Variants in METTL23 observed in about 807,000 individuals in gnomAD.
The protein encoded by METTL23 is methyltransferase 23, arginine.
A neutral mutation model predicts 21.2 loss-of-function variants in METTL23; 24 were observed. The observed-to-expected ratio is 1.13, with a 90% CI of 0.82 to 1.59. The LOEUF is 1.59. METTL23 is among the 40% of genes most tolerant of loss of function. METTL23 has a pLI of 0.00. For synonymous variants in METTL23, 97 were observed against 75.2 expected (o/e 1.29, Z -1.50); for missense variants, 276 against 221.4 (o/e 1.25, Z -1.57).
chr17:76,732,891 C>G (rs1291989551), intron 2 of METTL23, 87 bp from the exon 3 acceptor site: 16 of 1,126,628 alleles, frequency 1.4e-5, no homozygotes, highest in Non-Finnish European at 2.1e-5. Context: ...TTTAAAAATG[C>G]AAGAATATAA....
chr17:76,730,242 T>TC (rs974768244), intron 2 of METTL23, among the ~76,000 whole-genome samples: 1 of 150,946 alleles, frequency 6.6e-6, no homozygotes, highest in Admixed American at 6.6e-5. Flanking sequence ...TGAGCAAAGA[T>TC]CGCACCATTG....
At position 76,727,014 on chromosome 17, in the gene METTL23, G is replaced by A; in HGVS notation, c.-186G>A. Reference sequence around the variant, plus strand: ...CGCGGCTTCCCGCTCGCGCAGTCTGGCAGCCCGGAGCCTTCCGCGGTCCCC... The same window carrying A: ...CGCGGCTTCCCGCTCGCGCAGTCTGACAGCCCGGAGCCTTCCGCGGTCCCC... On this transcript the variant is annotated 5_prime_UTR_variant, in exon 1 of 5. Coordinates refer to ENST00000341249, the MANE Select transcript of METTL23 (RefSeq NM_001080510.5). 1 of 455,692 alleles carries A rather than the reference G, an allele frequency of 2.2e-6. No individual in the cohort carries two copies. Among genetic ancestry groups the A allele is most frequent in the Non-Finnish European group, 4.4e-6 (1 of 226,446 alleles). The allele number at this position is 455,692 out of a possible 1,614,324, so 28.2% of individuals were successfully genotyped here. A position where few individuals can be genotyped will look rare whatever the true frequency, so the allele number is the denominator to read the frequency against.
At chr17:76,732,225 G>T (rs2077241505) in intron 2 of METTL23, among the ~76,000 whole-genome samples, 1 of 147,576 alleles carries the variant, frequency 6.8e-6, no homozygotes, top group African/African-American at 2.7e-5. Flanking sequence ...CCGAGTGGCT[G>T]GGCACGGTGG....
At chr17:76,727,824 G>A (rs939192249) in intron 1 of METTL23, among the ~76,000 whole-genome samples, 1 of 152,138 alleles carries the variant, frequency 6.6e-6, no homozygotes, top group South Asian at 2.1e-4. Context: ...TCCAACTCCC[G>A]GATTCAAGTG....
chr17:76,726,284 A>G (rs1032724921), upstream of METTL23: 29 of 1,504,022 alleles, frequency 1.9e-5, no homozygotes, highest in African/African-American at 2.0e-4. Context: ...GGGCCCAGAG[A>G]AAGGTGCGTA....
At position 76,729,706 on chromosome 17, in the gene METTL23, A is replaced by G. The variant is rs369238706; in HGVS notation, c.-5A>G. On this transcript the variant is annotated 5_prime_UTR_variant, in exon 2 of 5. It removes an upstream start codon present in the reference 5' UTR. Coordinates refer to ENST00000341249, the MANE Select transcript of METTL23 (RefSeq NM_001080510.5). The stretch of plus-strand genomic sequence containing the variant: ...TCTTTTCAGGTCCTGCATCTCCAGT[A>G]TGGAATGTATGTTTGGCCCTGTGCT... 91 of 1,590,048 alleles carry G rather than the reference A, an allele frequency of 5.7e-5. No individual in the cohort carries two copies. In the African/African-American group the frequency reaches 1.1e-3, roughly 19 times the overall value.
Position 76,731,098 on chromosome 17 carries a change from C to T in METTL23, c.84+1304C>T, listed in dbSNP as rs374215977. Reference sequence around the variant, plus strand: ...CTCCAGCCTGGGCGACAGAGCGAGACTCCATCTCAAAAAAAAAAAAGATAA... The same window carrying T: ...CTCCAGCCTGGGCGACAGAGCGAGATTCCATCTCAAAAAAAAAAAAGATAA... On this transcript the variant is annotated intron_variant, in intron 2 of 4. Transcript: ENST00000341249. Among the ~76,000 whole-genome samples the T allele has an allele frequency of 1.3e-4, 19 of 151,274 alleles. No homozygotes were observed. The East Asian group carries it at 3.7e-3, about 29-fold the overall frequency.
At chr17:76,726,729 G>A (rs370217771), upstream of METTL23, 23 of 523,448 alleles carry the variant, frequency 4.4e-5, no homozygotes, top group African/African-American at 7.8e-5. Flanking sequence ...CTCCCCTGGG[G>A]TACTCCTTCA....
chr17:76,733,025 TGCA>T lies in METTL23; in HGVS notation c.134_136del (p.Ala45del). ...CAGGAATTTTGGCTGCCAAATGTGG[TGCA>T]GAAGTAATACTGTCAGACAGCTCAG... On this transcript the variant is annotated inframe_deletion, in exon 3 of 5. Transcript: ENST00000341249. The T allele has an allele frequency of 1.3e-6, 2 of 1,596,358 alleles. No individual in the cohort carries two copies. The highest frequency in any genetic ancestry group is 1.7e-6 in the Non-Finnish European group (2 of 1,170,496).
Position 76,733,678 on chromosome 17 carries a change from A to G in METTL23, c.565A>G (p.Ser189Gly). Reference protein sequence around the residue: ...EMLVISFAKDSL With the variant: ...EMLVISFAKDGL ...GCTGGTCATTTCCTTTGCAAAGGAC[A>G]GTCTCTGAATTATACCTACAACCTG... Residue 189 changes from serine (S) to glycine (G), a missense_variant, in exon 5 of 5, where the codon AGT (serine) becomes GGT (glycine). Transcript: ENST00000341249. 6.2e-7 allele frequency: 1 copy of G among 1,612,828 alleles called. No homozygotes were observed.
rs1226218707 is a variant in METTL23, at chr17:76,729,752, T to G, written c.42T>G (p.Leu14=). The change falls in exon 2 of 5, where the codon CTT becomes CTG. Residue 14 remains leucine (L), a synonymous_variant. Transcript: ENST00000341249. ...WPCAVVLAQY[L]WFHRRSLPGK... ...GTGCTGTGGTCCTGGCCCAGTACCT[T>G]TGGTTTCACAGAAGATCTCTGCCAG... The G allele has an allele frequency of 6.2e-7, 1 of 1,600,304 alleles. No homozygotes were observed. Among genetic ancestry groups the G allele is most frequent in the Admixed American group, 1.7e-5 (1 of 58,238 alleles).
At chr17:76,729,583 G>T (rs1422736296) in intron 1 of METTL23, 107 bp from the exon 2 acceptor site, 1 of 720,190 alleles carries the variant, frequency 1.4e-6, no homozygotes, top group African/African-American at 1.8e-5. Context: ...GGTGAACAGG[G>T]CTGCCATTTT....
chr17:76,727,574 T>A (rs775723792), intron 1 of METTL23, among the ~76,000 whole-genome samples: 3 of 152,254 alleles, frequency 2.0e-5, no homozygotes, highest in Non-Finnish European at 2.9e-5. Flanking sequence ...CTTTTGATCT[T>A]GTCCAAGGGT....
chr17:76,729,325 C>T (rs2077099352), intron 1 of METTL23, among the ~76,000 whole-genome samples: 1 of 152,124 alleles, frequency 6.6e-6, no homozygotes, highest in Admixed American at 6.6e-5. Flanking sequence ...AGGTGATCCG[C>T]CCGCCTCATC....
chr17:76,730,931 G>A (rs544022870), intron 2 of METTL23, among the ~76,000 whole-genome samples: 16 of 152,212 alleles, frequency 1.1e-4, no homozygotes, highest in South Asian at 4.2e-4. Flanking sequence ...GTGAAACCCC[G>A]TCTCTACTAA....
Position 76,733,843 on chromosome 17 carries a change from C to T in METTL23, c.*157C>T, listed in dbSNP as rs375172805. 9.3e-5 allele frequency: 50 copies of T among 536,138 alleles called. No homozygotes were observed. The highest frequency in any genetic ancestry group is 8.6e-4 in the East Asian group (28 of 32,418). The allele number at this position is 536,138 out of a possible 1,614,324, so 33.2% of individuals were successfully genotyped here. ...TGATGTCACCTAGACAACACTTAAA[C>T]TCATATGAAACAAAAATTAAAATAC... On this transcript the variant is annotated 3_prime_UTR_variant, in exon 5 of 5. Transcript: ENST00000341249.
rs1000350478 is a variant in METTL23, at chr17:76,727,001, C to T, written c.-199C>T. Reference sequence around the variant, plus strand: ...CGGCCACGTGGCCCGCGGCTTCCCGCTCGCGCAGTCTGGCAGCCCGGAGCC... The same window carrying T: ...CGGCCACGTGGCCCGCGGCTTCCCGTTCGCGCAGTCTGGCAGCCCGGAGCC... On this transcript the variant is annotated 5_prime_UTR_variant, in exon 1 of 5. Coordinates refer to ENST00000341249, the MANE Select transcript of METTL23 (RefSeq NM_001080510.5). 2.2e-6 allele frequency: 1 copy of T among 456,244 alleles called. No individual in the cohort carries two copies. Among genetic ancestry groups the T allele is most frequent in the Non-Finnish European group, 4.4e-6 (1 of 226,814 alleles). The allele number at this position is 456,244 out of a possible 1,614,324, so 28.3% of individuals were successfully genotyped here. A position where few individuals can be genotyped will look rare whatever the true frequency, so the allele number is the denominator to read the frequency against.
At chr17:76,729,605 C>T (rs1042783940) in intron 1 of METTL23, 85 bp from the exon 2 acceptor site, 2 of 904,284 alleles carry the variant, frequency 2.2e-6, no homozygotes, top group Non-Finnish European at 1.8e-6. Context: ...GTAATGGATG[C>T]CAATGCCTGA....
Position 76,733,808 on chromosome 17 carries a change from C to T in METTL23, c.*122C>T. The T allele has an allele frequency of 1.2e-6, 1 of 834,718 alleles. No individual in the cohort carries two copies. The highest frequency in any genetic ancestry group is 2.7e-5 in the East Asian group (1 of 37,448). The allele number at this position is 834,718 out of a possible 1,614,324, so 51.7% of individuals were successfully genotyped here. ...GTCTGAAGATGGTCAAGTCTGTTTG[C>T]CTTAGATTTTGATGTCACCTAGACA... On this transcript the variant is annotated 3_prime_UTR_variant, in exon 5 of 5. Transcript: ENST00000341249.
Sources: allele counts gnomAD v4.1 joint callset (sites outside exome capture counted in the v4.1 genomes callset), GRCh38; gene constraint gnomAD v4.1.1; transcripts MANE v1.5; gene names NCBI Gene and HGNC (gene_info 2026-07-23, HGNC 2026-07-21).